The following PMP22 variants were observed in gnomAD, a reference collection of about 807,000 sequenced individuals.
The protein encoded by PMP22 is Charcot-Marie-Tooth neuropathy 1A (greatly reduced nerve conduction velocity, hereditary motor sensory neuropathy Ia).
Under a neutral mutation model 18.9 loss-of-function variants are expected in PMP22, and 2 were observed. The ratio of observed to expected loss-of-function variants is 0.11; its 90% confidence interval spans 0.04 to 0.33. The LOEUF (loss-of-function observed/expected upper bound fraction) is 0.33. Among genes scored for constraint, PMP22 ranks in the 10% least tolerant of loss-of-function variants. The pLI, the probability that PMP22 is intolerant of heterozygous loss-of-function variation, is 1.00. For missense variants in PMP22, 169 were observed against 202.2 expected, an observed-to-expected ratio of 0.84 and a Z score of 1.00; for synonymous variants, 95 against 89.2, an observed-to-expected ratio of 1.07 and a Z score of -0.37.
chr17:15,235,922 TTTTTTA>T (rs774989614), intron 4 of PMP22, among the ~76,000 whole-genome samples: 54 of 151,924 alleles, frequency 3.6e-4, no homozygotes, highest in South Asian at 1.7e-3. Context: ...GCCTGGCTAT[TTTTTTA>T]TTTTTATTTT....
At chr17:15,250,889 C>G (rs1202881251) in intron 3 of PMP22, among the ~76,000 whole-genome samples, 1 of 152,194 alleles carries the variant, frequency 6.6e-6, no homozygotes, top group Non-Finnish European at 1.5e-5. Flanking sequence ...TGGACTATGA[C>G]CACAAACTCC....
chr17:15,236,414 G>A (rs900249621), intron 4 of PMP22, among the ~76,000 whole-genome samples: 15 of 152,084 alleles, frequency 9.9e-5, no homozygotes, highest in African/African-American at 3.6e-4. Context: ...AGAGGAAGCT[G>A]TGCAGAGATA....
intron 4 of PMP22, among the ~76,000 whole-genome samples, chr17:15,232,204 G>T (rs1906421833): frequency 6.6e-6 from 1 of 152,056 alleles, no homozygotes; most frequent in Non-Finnish European, 1.5e-5. Context: ...CTGCAACTTT[G>T]TTTGAAGACA....
At chr17:15,239,756 A>G (rs1486822148) in intron 3 of PMP22, 145 bp from the exon 4 acceptor site, 2 of 714,378 alleles carry the variant, frequency 2.8e-6, no homozygotes, top group African/African-American at 1.8e-5. Flanking sequence ...CCTTAGCAGA[A>G]CTCAGACAAT....
intron 3 of PMP22, among the ~76,000 whole-genome samples, chr17:15,242,050 A>C (rs964500765): frequency 5.3e-5 from 8 of 152,052 alleles, no homozygotes; most frequent in African/African-American, 1.9e-4. Context: ...CCAGGAGTTC[A>C]AGACCAGCCT....
rs1906181300 is a variant in PMP22, at chr17:15,230,143, G to A, written c.*774C>T. ...ATTTATATTACACAGAATTATTCAG[G>A]TCTCCATTCTATCTTATGTTGTAAA... On this transcript the variant is annotated 3_prime_UTR_variant, in exon 5 of 5. Coordinates refer to ENST00000312280, the MANE Select transcript of PMP22 (RefSeq NM_000304.4). The A allele has an allele frequency of 6.5e-6, 1 of 152,676 alleles. No homozygotes were observed. Among genetic ancestry groups the A allele is most frequent in the African/African-American group, 2.4e-5 (1 of 41,432 alleles). The allele number at this position is 152,676 out of a possible 1,614,324, so 9.5% of individuals were successfully genotyped here. A position where few individuals can be genotyped will look rare whatever the true frequency, so the allele number is the denominator to read the frequency against.
rs79595533 is a variant in PMP22, at chr17:15,256,042, T to C, written c.178+3052A>G. ...CGAATATCCCCACACTAAGCCTCTC[T>C]TACCTCTGCCCACACGAGGCAGATA... On this transcript the variant is annotated intron_variant, in intron 3 of 4. Coordinates refer to ENST00000312280, the MANE Select transcript of PMP22 (RefSeq NM_000304.4). Among the ~76,000 whole-genome samples, 268 of 152,320 alleles carry C rather than the reference T, an allele frequency of 1.8e-3. 1 individual carries two copies. Among genetic ancestry groups the C allele is most frequent in the African/African-American group, 6.1e-3 (255 of 41,570 alleles).
At chr17:15,252,095 G>C (rs1908405005) in intron 3 of PMP22, among the ~76,000 whole-genome samples, 1 of 152,072 alleles carries the variant, frequency 6.6e-6, no homozygotes, top group Non-Finnish European at 1.5e-5. Context: ...GGCTGAGGGA[G>C]CCACGAAGAT....
At chr17:15,248,750 C>CT (rs1317454151) in intron 3 of PMP22, among the ~76,000 whole-genome samples, 17 of 152,214 alleles carry the variant, frequency 1.1e-4, no homozygotes, top group Non-Finnish European at 2.4e-4. Flanking sequence ...ATCAATCTCC[C>CT]TCCTTGGTAA....
At chr17:15,251,406 T>C (rs966191732) in intron 3 of PMP22, among the ~76,000 whole-genome samples, 1 of 152,130 alleles carries the variant, frequency 6.6e-6, no homozygotes, top group Admixed American at 6.5e-5. Context: ...TTCATCTCTG[T>C]GCACCCCATT....
At position 15,230,665 on chromosome 17, in the gene PMP22, G is replaced by C. The variant is rs1023311535; in HGVS notation, c.*252C>G. ...TAGCTACTTCTTTAAGGCTCAACACGAGGCTGATGGTCAACATAAAAAGCA... is the reference window on the plus strand; with the variant it reads ...TAGCTACTTCTTTAAGGCTCAACACCAGGCTGATGGTCAACATAAAAAGCA... On this transcript the variant is annotated 3_prime_UTR_variant, in exon 5 of 5. Transcript: ENST00000312280. The C allele has an allele frequency of 5.8e-6, 3 of 513,150 alleles. No individual in the cohort carries two copies. The highest frequency in any genetic ancestry group is 1.1e-5 in the Non-Finnish European group (3 of 283,702). 31.8% of individuals were successfully genotyped at this position (513,150 alleles called of 1,614,324 possible).
At position 15,260,779 on chromosome 17, in the gene PMP22, G is replaced by C. The variant is rs1456366849; in HGVS notation, c.-34-18C>G. On this transcript the variant is annotated intron_variant, in intron 1 of 4. Transcript: ENST00000312280. ...GTTTCTGCCTGCGAGGAGAGCGCTG[G>C]GCGTGAGGCCGAACGCACTGGGCCG... 6.1e-6 allele frequency: 9 copies of C among 1,481,942 alleles called. No individual in the cohort carries two copies. Among genetic ancestry groups the C allele is most frequent in the Non-Finnish European group, 8.3e-6 (9 of 1,083,830 alleles). 91.8% of individuals were successfully genotyped at this position (1,481,942 alleles called of 1,614,324 possible). A position where few individuals can be genotyped will look rare whatever the true frequency, so the allele number is the denominator to read the frequency against.
At chr17:15,240,022 T>G (rs1235847203) in intron 3 of PMP22, among the ~76,000 whole-genome samples, 1 of 152,184 alleles carries the variant, frequency 6.6e-6, no homozygotes, top group East Asian at 1.9e-4. Flanking sequence ...ATGTGAACAT[T>G]CAGGGAAGGG....
chr17:15,258,000 A>G (rs910568122), intron 3 of PMP22, among the ~76,000 whole-genome samples: 1 of 152,188 alleles, frequency 6.6e-6, no homozygotes, highest in African/African-American at 2.4e-5. Flanking sequence ...AGTCCAGCAA[A>G]GCAACTGGAT....
chr17:15,259,288 C>T, intron 2 of PMP22, 95 bp from the exon 3 acceptor site: 1 of 956,026 alleles, frequency 1.0e-6, no homozygotes, highest in Non-Finnish European at 1.7e-6. Flanking sequence ...GAAAAGCACC[C>T]GCATCCACCT....
chr17:15,256,452 C>T (rs927566817), intron 3 of PMP22, among the ~76,000 whole-genome samples: 1 of 152,046 alleles, frequency 6.6e-6, no homozygotes, highest in Non-Finnish European at 1.5e-5. Flanking sequence ...GACCAGCCTG[C>T]CCAACATGAT....
chr17:15,231,956 G>A (rs1436353794), intron 4 of PMP22, among the ~76,000 whole-genome samples: 1 of 152,040 alleles, frequency 6.6e-6, no homozygotes, highest in Non-Finnish European at 1.5e-5. Flanking sequence ...GACAGACAGC[G>A]TCCCCCCACA....
At chr17:15,241,188 T>C (rs545970711) in intron 3 of PMP22, among the ~76,000 whole-genome samples, 9 of 151,488 alleles carry the variant, frequency 5.9e-5, no homozygotes, top group Non-Finnish European at 2.9e-5. Flanking sequence ...TTCAATTTCT[T>C]TGTCAATTAA....
chr17:15,240,261 T>G lies in PMP22; in HGVS notation c.179-650A>C, dbSNP rs113544089. Among the ~76,000 whole-genome samples the G allele has an allele frequency of 2.7e-3, 417 of 152,276 alleles. 6 individuals carry two copies. Among genetic ancestry groups the G allele is most frequent in the African/African-American group, 9.6e-3 (399 of 41,558 alleles). ...AATAGCTTAAAACCACTATTCAAATTATCTGCATTCCCCAAGGAGAGGTAA... is the reference window on the plus strand; with the variant it reads ...AATAGCTTAAAACCACTATTCAAATGATCTGCATTCCCCAAGGAGAGGTAA... On this transcript the variant is annotated intron_variant, in intron 3 of 4. Transcript: ENST00000312280.
Sources: gnomAD v4.1 joint callset for allele counts (sites outside exome capture counted in the v4.1 genomes callset) on GRCh38, gnomAD v4.1.1 for gene constraint, MANE v1.5 for transcripts, NCBI Gene and HGNC (gene_info 2026-07-23, HGNC 2026-07-21) for gene names.